The following DMD variants were observed in gnomAD, a reference collection of about 807,000 sequenced individuals.
The protein encoded by DMD is dystrophin, also known as mutant dystrophin.
In DMD, 63 loss-of-function variants were observed where a neutral mutation model predicts 330.1. The observed-to-expected ratio is 0.19, with a 90% CI of 0.16 to 0.24. DMD has a LOEUF of 0.24. Among genes scored for constraint, DMD ranks in the 10% least tolerant of loss-of-function variants. The pLI is 1.00. For missense variants in DMD, 3,344 were observed against 2,684.1 expected, an observed-to-expected ratio of 1.25 and a Z score of -5.43; for synonymous variants, 1,223 against 959.8, an observed-to-expected ratio of 1.27 and a Z score of -5.07.
intron 41 of DMD, among the ~76,000 whole-genome samples, chrX:32,323,724 G>A (rs1032586513): frequency 2.7e-5 from 3 of 110,975 alleles, no homozygotes; most frequent in South Asian, 3.8e-4. Flanking sequence ...CTATAAGTGC[G>A]GGAAGAGATG....
intron 1 of DMD, among the ~76,000 whole-genome samples, chrX:33,048,037 G>A (rs2147978969): frequency 8.9e-6 from 1 of 112,244 alleles, no homozygotes; most frequent in South Asian, 3.7e-4. Flanking sequence ...TGGAAGCTAA[G>A]AATTAGAAAT....
At chrX:32,321,573 C>T (rs929875358) in intron 41 of DMD, among the ~76,000 whole-genome samples, 2 of 111,269 alleles carry the variant, frequency 1.8e-5, no homozygotes, top group Non-Finnish European at 1.9e-5. Flanking sequence ...CTTACTTCCA[C>T]CCCTTGTCCA....
chrX:31,517,438 A>G (rs943138622), intron 55 of DMD, among the ~76,000 whole-genome samples: 1 of 112,121 alleles, frequency 8.9e-6, no homozygotes, highest in Non-Finnish European at 1.9e-5. Context: ...GGTAGTTCTC[A>G]GGAAGTTCAG....
intron 9 of DMD, among the ~76,000 whole-genome samples, chrX:32,686,534 G>C (rs761908289): frequency 2.2e-5 from 2 of 92,982 alleles, no homozygotes; most frequent in East Asian, 6.3e-4. Context: ...ACTTCAGCCG[G>C]GGCAACAGAG....
intron 7 of DMD, among the ~76,000 whole-genome samples, chrX:32,778,662 A>G (rs1381948040): frequency 9.0e-6 from 1 of 111,364 alleles, no homozygotes; most frequent in East Asian, 2.8e-4. Context: ...TAGACCTCCA[A>G]TATTCCTTAA....
rs1290176648 is a variant in DMD at position 31,348,548 on chromosome X, T to C, written c.9163+8A>G. On this transcript the variant is annotated splice_region_variant and intron_variant, in intron 61 of 78. Transcript: ENST00000357033. ...AAAGTTAAGTGATAAAAGCTGAAAA[T>C]GACTTACTGGAAAGAAAGTGCTGAG... is the stretch of plus-strand genomic sequence containing the variant. 5 of 1,205,120 alleles carry C rather than the reference T, an allele frequency of 4.1e-6. No individual in the cohort carries two copies. Among genetic ancestry groups the C allele is most frequent in the Non-Finnish European group, 5.6e-6 (5 of 889,763 alleles).
At chrX:31,437,274 A>G (rs1481431486) in intron 60 of DMD, among the ~76,000 whole-genome samples, 4 of 112,176 alleles carry the variant, frequency 3.6e-5, no homozygotes, top group Non-Finnish European at 7.5e-5. Context: ...ATAATTTTGT[A>G]TTCAAGCTAC....
At position 32,165,687 on chromosome X, in the gene DMD, G is replaced by T. The variant is rs1401010144; in HGVS notation, c.6438+51229C>A. Among the ~76,000 whole-genome samples, 5 of 111,619 alleles carry T rather than the reference G, an allele frequency of 4.5e-5. No individual in the cohort carries two copies. In the South Asian group the frequency reaches 1.5e-3, roughly 33 times the overall value. Reference sequence around the variant, plus strand: ...GAAATGTGAAAGGGACATGAGATTTGGGAGGGGCCAGGAGCAAAATGATAT... The same window carrying T: ...GAAATGTGAAAGGGACATGAGATTTTGGAGGGGCCAGGAGCAAAATGATAT... On this transcript the variant is annotated intron_variant, in intron 44 of 78. Transcript: ENST00000357033.
chrX:32,468,627 G>C lies in DMD; in HGVS notation c.3033C>G (p.Pro1011=). 1 of 1,211,052 alleles carries C rather than the reference G, an allele frequency of 8.3e-7. No individual in the cohort carries two copies. The highest frequency in any genetic ancestry group is 1.7e-5 in the African/African-American group (1 of 57,724). The change falls in exon 23 of 79, where the codon CCC becomes CCG. Residue 1011 remains proline (P), a synonymous_variant. Coordinates refer to ENST00000357033, the MANE Select transcript of DMD (RefSeq NM_004006.3). ...ATTGATATTTCCGGCTAATTTCAGAGGGCGCTTTCTTCGACATCTCTTTCA... is the reference window on the plus strand; with the variant it reads ...ATTGATATTTCCGGCTAATTTCAGACGGCGCTTTCTTCGACATCTCTTTCA... ...TTVKEMSKKA[P]SEISRKYQSE... is the part of the protein sequence containing the mutation.
rs1210629851 is a variant in DMD at position 32,454,757 on chromosome X, G to A, written c.3508C>T (p.His1170Tyr). 1 of 1,203,752 alleles carries A rather than the reference G, an allele frequency of 8.3e-7. No individual in the cohort carries two copies. The highest frequency in any genetic ancestry group is 2.2e-5 in the Admixed American group (1 of 45,510). Residue 1170 changes from histidine to tyrosine, a missense_variant, in exon 26 of 79, where the codon CAC becomes TAC. Transcript: ENST00000357033. ...VSLQKDLSEMHEWMTQAEEEY... is the reference protein window; with the variant it reads ...VSLQKDLSEMYEWMTQAEEEY... ...TCTTCAGCTTGTGTCATCCATTCGT[G>A]CATCTCTGATAGATCTTTCTGGAGG...
At chrX:32,380,703 G>T in intron 33 of DMD, 23 bp from the exon 34 acceptor site, 4 of 1,179,214 alleles carry the variant, frequency 3.4e-6, no homozygotes, top group Non-Finnish European at 4.6e-6. Flanking sequence ...ATAATGAAAT[G>T]TAATTTAGTT....
intron 11 of DMD, among the ~76,000 whole-genome samples, chrX:32,620,490 T>G (rs1602228345): frequency 8.9e-6 from 1 of 112,459 alleles, no homozygotes; most frequent in East Asian, 2.8e-4. Flanking sequence ...ACATTTACCA[T>G]GAGGAACATT....
rs370403915 is a variant in DMD, at chrX:32,444,397, C to A, written c.3787-3083G>T. On this transcript the variant is annotated intron_variant, in intron 27 of 78. Coordinates refer to ENST00000357033, the MANE Select transcript of DMD (RefSeq NM_004006.3). ...GACAAAAATTCCAGTAAAGGCAATT[C>A]CTATTATAGATGAGCTCGCAAATAA... Among the ~76,000 whole-genome samples the A allele has an allele frequency of 1.5e-4, 17 of 110,348 alleles. No individual in the cohort carries two copies. In the South Asian group the frequency reaches 6.5e-3, roughly 42 times the overall value.
chrX:32,484,510 C>T (rs1279368456), intron 21 of DMD, among the ~76,000 whole-genome samples: 2 of 112,078 alleles, frequency 1.8e-5, no homozygotes, highest in African/African-American at 6.5e-5. Flanking sequence ...TATGCTAAAG[C>T]TATAATACTC....
At position 31,951,122 on chromosome X, in the gene DMD, C is replaced by CATATATATATAT. The variant is rs767693982; in HGVS notation, c.6614+17205_6614+17216dup. On this transcript the variant is annotated intron_variant, in intron 45 of 78. Coordinates refer to ENST00000357033, the MANE Select transcript of DMD (RefSeq NM_004006.3). Reference sequence around the variant, plus strand: ...TTTAAACACACATACTATATATATACATATATATATATATATATGTGTATA... The same window carrying CATATATATATAT: ...TTTAAACACACATACTATATATATACATATATATATATATATATATATATATATATGTGTATA... 3.5e-3 allele frequency among the ~76,000 whole-genome samples: 227 copies of CATATATATATAT among 65,312 alleles called. 5 individuals are homozygous for CATATATATATAT. Among genetic ancestry groups the CATATATATATAT allele is most frequent in the African/African-American group, 0.015 (216 of 14,432 alleles). The allele number at this position is 65,312 out of a possible 115,157, so 56.7% of individuals were successfully genotyped here.
At chrX:32,872,829 G>T (rs1464839861) in intron 2 of DMD, among the ~76,000 whole-genome samples, 1 of 111,584 alleles carries the variant, frequency 9.0e-6, no homozygotes, top group Non-Finnish European at 1.9e-5. Context: ...GGGTAGGAGA[G>T]ATATGATCTA....
chrX:31,640,229 A>T (rs148619535), intron 54 of DMD, among the ~76,000 whole-genome samples: 3,311 of 112,017 alleles, frequency 0.03, 121 homozygotes, highest in African/African-American at 0.098. Flanking sequence ...TGCTCAACTC[A>T]GGGCTGCTTC....
chrX:31,829,998 G>T (rs1358923011), intron 49 of DMD, among the ~76,000 whole-genome samples: 1 of 112,022 alleles, frequency 8.9e-6, no homozygotes, highest in Non-Finnish European at 1.9e-5. Context: ...AAGAAAGTTG[G>T]CTCATATTCA....
At chrX:31,397,998 A>G (rs964781967) in intron 60 of DMD, among the ~76,000 whole-genome samples, 1 of 112,681 alleles carries the variant, frequency 8.9e-6, no homozygotes, top group African/African-American at 3.2e-5. Context: ...GAGCAAATGT[A>G]ACTTGACTTA....
Sources: gnomAD v4.1 joint callset for allele counts (sites outside exome capture counted in the v4.1 genomes callset) on GRCh38, gnomAD v4.1.1 for gene constraint, MANE v1.5 for transcripts, NCBI Gene and HGNC (gene_info 2026-07-23, HGNC 2026-07-21) for gene names.